Variants in GABRA1 observed in about 807,000 individuals in gnomAD.
The protein encoded by GABRA1 is gamma-aminobutyric acid type A receptor subunit alpha1, also known as gamma-aminobutyric acid receptor subunit alpha-1.
Under a neutral mutation model 48.9 loss-of-function variants are expected in GABRA1, and 9 were observed. The ratio of observed to expected loss-of-function variants is 0.18; its 90% CI spans 0.11 to 0.32. The LOEUF is 0.32. Among genes scored for constraint, GABRA1 ranks in the 10% least tolerant of loss-of-function variants. GABRA1 has a pLI of 1.00. For missense variants in GABRA1, 285 were observed against 553.8 expected, an observed-to-expected ratio of 0.51 and a Z score of 4.87; for synonymous variants, 210 against 198.7, an observed-to-expected ratio of 1.06 and a Z score of -0.48.
intron 3 of GABRA1, among the ~76,000 whole-genome samples, chr5:161,857,362 G>A (rs1757688883): frequency 6.6e-6 from 1 of 151,388 alleles, no homozygotes; most frequent in South Asian, 2.1e-4. Flanking sequence ...AATCCATCAT[G>A]ACCTGTTTTT....
intron 4 of GABRA1, among the ~76,000 whole-genome samples, chr5:161,868,308 T>C (rs1028654249): frequency 6.6e-6 from 1 of 152,126 alleles, no homozygotes; most frequent in Non-Finnish European, 1.5e-5. Context: ...GTGTACATTA[T>C]GCATGTAAAA....
At chr5:161,888,529 A>T (rs1754947618) in intron 7 of GABRA1, among the ~76,000 whole-genome samples, 1 of 152,112 alleles carries the variant, frequency 6.6e-6, no homozygotes. Flanking sequence ...TGTTGAGAAC[A>T]ACAAAAGATA....
intron 6 of GABRA1, among the ~76,000 whole-genome samples, chr5:161,879,397 C>T: frequency 6.6e-6 from 1 of 152,298 alleles, no homozygotes; most frequent in South Asian, 2.1e-4. Context: ...CAGAAATAAG[C>T]CACCGTGCCC....
chr5:161,877,836 C>T (rs2113396902), intron 6 of GABRA1, among the ~76,000 whole-genome samples: 1 of 152,202 alleles, frequency 6.6e-6, no homozygotes, highest in East Asian at 1.9e-4. Flanking sequence ...CTTTTCTTTG[C>T]TTGGATTACT....
intron 3 of GABRA1, among the ~76,000 whole-genome samples, chr5:161,864,167 G>A (rs897782165): frequency 6.6e-6 from 1 of 151,910 alleles, no homozygotes; most frequent in Admixed American, 6.6e-5. Flanking sequence ...CCTACATCAA[G>A]GGGCTCATTT....
At chr5:161,858,620 T>G (rs1428183085) in intron 3 of GABRA1, among the ~76,000 whole-genome samples, 1 of 151,776 alleles carries the variant, frequency 6.6e-6, no homozygotes, top group African/African-American at 2.4e-5. Flanking sequence ...TCCACATATC[T>G]AACTTACAAA....
chr5:161,883,930 TCC>T (rs1449778646), intron 7 of GABRA1, among the ~76,000 whole-genome samples: 1 of 152,072 alleles, frequency 6.6e-6, no homozygotes, highest in Non-Finnish European at 1.5e-5. Context: ...TTATTTCAAA[TCC>T]AAGTGGCATA....
intron 3 of GABRA1, among the ~76,000 whole-genome samples, chr5:161,862,573 C>T (rs551690951): frequency 1.4e-4 from 21 of 151,954 alleles, no homozygotes; most frequent in African/African-American, 4.8e-4. Flanking sequence ...TCTGTAGGTA[C>T]TCACATCTCT....
At chr5:161,868,689 G>A (rs374685624) in intron 4 of GABRA1, among the ~76,000 whole-genome samples, 9 of 152,102 alleles carry the variant, frequency 5.9e-5, no homozygotes, top group Non-Finnish European at 1.3e-4. Context: ...TCCAATAGGA[G>A]TTGTTAAAGG....
rs865841033 is a variant in GABRA1, at chr5:161,896,387, T to C, written c.1059+519T>C. Among the ~76,000 whole-genome samples the C allele has an allele frequency of 2.6e-5, 4 of 152,204 alleles. No individual in the cohort carries two copies. In the South Asian group the frequency reaches 6.2e-4, roughly 24 times the overall value. On this transcript the variant is annotated intron_variant, in intron 9 of 9. Transcript: ENST00000393943. ...ATTTTCTCTTTCCAAAATAGACATA[T>C]GCTTTAGGGATCATAACACACAGAA...
rs1490107518 is a variant in GABRA1, at chr5:161,897,304, A to T, written c.1253A>T (p.Lys418Ile). Residue 418 changes from lysine (K) to isoleucine (I), a missense_variant, in exon 10 of 10, where the codon AAA (lysine) becomes ATA (isoleucine). This residue lies in a region of GABRA1 where 99 missense variants were observed against 94.2 expected (regional missense o/e 1.05). Coordinates refer to ENST00000393943, the MANE Select transcript of GABRA1 (RefSeq NM_001127644.2). ...EPKKTFNSVSKIDRLSRIAFP... is the reference protein window; with the variant it reads ...EPKKTFNSVSIIDRLSRIAFP... ...AAGAAAACCTTTAACAGTGTCAGCA[A>T]AATTGACCGACTGTCAAGAATAGCC... is the stretch of plus-strand genomic sequence containing the variant. The T allele has an allele frequency of 1.2e-6, 2 of 1,614,186 alleles. No individual in the cohort carries two copies. The highest frequency in any genetic ancestry group is 2.2e-5 in the South Asian group (2 of 91,084).
At chr5:161,850,356 C>T (rs905006300) in intron 1 of GABRA1, 1 of 349,926 alleles carries the variant, frequency 2.9e-6, no homozygotes, top group African/African-American at 2.1e-5. Flanking sequence ...CCCTCCAATC[C>T]CTAAATATGT....
intron 3 of GABRA1, among the ~76,000 whole-genome samples, chr5:161,855,412 A>G (rs946211153): frequency 8.6e-5 from 13 of 151,502 alleles, no homozygotes; most frequent in Non-Finnish European, 1.6e-4. Context: ...CAAAGACACA[A>G]CCCAAATATA....
At chr5:161,896,316 G>C (rs185958527) in intron 9 of GABRA1, among the ~76,000 whole-genome samples, 214 of 152,234 alleles carry the variant, frequency 1.4e-3, no homozygotes, top group African/African-American at 3.9e-3. Context: ...AATTAAGTTT[G>C]CCACATGAAC....
chr5:161,891,735 T>C (rs983855233), intron 8 of GABRA1, among the ~76,000 whole-genome samples: 1 of 152,196 alleles, frequency 6.6e-6, no homozygotes, highest in Non-Finnish European at 1.5e-5. Flanking sequence ...CCGTATACTA[T>C]TTCAACTGTA....
intron 4 of GABRA1, among the ~76,000 whole-genome samples, chr5:161,871,067 A>G (rs1581195945): frequency 6.6e-6 from 1 of 152,032 alleles, no homozygotes; most frequent in East Asian, 1.9e-4. Context: ...ATTAGCACAA[A>G]TAAAGCTGGT....
At chr5:161,891,200 A>G in intron 8 of GABRA1, 150 bp downstream of exon 8, 1 of 742,186 alleles carries the variant, frequency 1.3e-6, no homozygotes, top group Non-Finnish European at 2.3e-6. Flanking sequence ...CACTCTCATT[A>G]TGGTATATAT....
At chr5:161,863,823 T>C (rs1035607632) in intron 3 of GABRA1, among the ~76,000 whole-genome samples, 2 of 152,048 alleles carry the variant, frequency 1.3e-5, no homozygotes, top group Admixed American at 6.6e-5. Context: ...GCTTTTGAAA[T>C]ATCTTAGAGT....
In GABRA1 at chr5:161,879,532, G is replaced by A. The variant is rs192082223; in HGVS notation, c.560-3026G>A. 4.6e-5 allele frequency among the ~76,000 whole-genome samples: 7 copies of A among 152,242 alleles called. No individual in the cohort carries two copies. The East Asian group carries it at 1.4e-3, about 29-fold the overall frequency. The stretch of plus-strand genomic sequence containing the variant: ...TTAATCTCACTTTTCTTATGCTGAT[G>A]TCTCTGGTCAAGTACATTTTCATAG... On this transcript the variant is annotated intron_variant, in intron 6 of 9. Transcript: ENST00000393943.
Sources: allele counts gnomAD v4.1 joint callset (sites outside exome capture counted in the v4.1 genomes callset), GRCh38; gene constraint gnomAD v4.1.1; regional missense constraint gnomAD v4.1.1; transcripts MANE v1.5; gene names NCBI Gene and HGNC (gene_info 2026-07-23, HGNC 2026-07-21).